The following MICAL3 variants were observed in gnomAD, a reference collection of about 807,000 sequenced individuals.
MICAL3 encodes [F-actin]-monooxygenase MICAL3.
A neutral mutation model predicts 207.4 loss-of-function variants in MICAL3; 62 were observed. The ratio of observed to expected loss-of-function variants is 0.30; its 90% CI spans 0.24 to 0.37. MICAL3 has a LOEUF of 0.37. Ranked by LOEUF, MICAL3 falls within the 10% of genes least tolerant of loss-of-function variation. The pLI is 1.00. For missense variants in MICAL3, 2,368 were observed against 2,635.6 expected, an observed-to-expected ratio of 0.90 and a Z score of 2.22; for synonymous variants, 1,077 against 1,069.3, an observed-to-expected ratio of 1.01 and a Z score of -0.14.
At chr22:17,983,283 C>G (rs200461519) in intron 1 of MICAL3, 1 of 152,180 alleles carries the variant, frequency 6.6e-6, no homozygotes, top group African/African-American at 2.4e-5. Context: ...CCTCCCTGCA[C>G]CCCCCTAGGC....
At chr22:17,842,997 TG>T (rs1384760866) in intron 19 of MICAL3, among the ~76,000 whole-genome samples, 1 of 151,874 alleles carries the variant, frequency 6.6e-6, no homozygotes, top group Non-Finnish European at 1.5e-5. Flanking sequence ...GGCGGGCGCC[TG>T]TAGTCCCAGC....
intron 1 of MICAL3, among the ~76,000 whole-genome samples, chr22:17,960,933 G>A (rs5992917): frequency 3.3e-5 from 5 of 152,062 alleles, no homozygotes; most frequent in East Asian, 1.9e-4. Context: ...GCAGGGCAAC[G>A]AGACGGTGCG....
chr22:17,877,567 G>GGGAGATTAT (rs1928960688), intron 16 of MICAL3, among the ~76,000 whole-genome samples: 2 of 131,502 alleles, frequency 1.5e-5, no homozygotes, highest in African/African-American at 2.9e-5. Flanking sequence ...ATGGAGGTTA[G>GGGAGATTAT]GGAGGTTAGG....
intron 22 of MICAL3, chr22:17,826,408 A>G: frequency 1.0e-6 from 1 of 964,624 alleles, no homozygotes; most frequent in Non-Finnish European, 1.2e-6. Context: ...AGCCGCCTAG[A>G]GAGAGGTTAC....
chr22:17,984,946 T>C (rs1163509534), intron 1 of MICAL3, among the ~76,000 whole-genome samples: 2 of 151,796 alleles, frequency 1.3e-5, no homozygotes, highest in African/African-American at 4.8e-5. Flanking sequence ...TCAGTAAGCA[T>C]GAGTGAGCAA....
At chr22:17,790,940 G>A in intron 31 of MICAL3, 24 bp from the exon 32 acceptor site, 2 of 1,613,340 alleles carry the variant, frequency 1.2e-6, no homozygotes, top group Non-Finnish European at 1.7e-6. Context: ...AAGGCATGAG[G>A]TGAGGGGCCT....
intron 1 of MICAL3, among the ~76,000 whole-genome samples, chr22:17,959,770 T>C (rs74804522): frequency 0.024 from 3,699 of 152,068 alleles, 71 homozygotes; most frequent in South Asian, 0.042. Flanking sequence ...TAGCTCTCCC[T>C]GCCCATAAGA....
chr22:17,836,661 T>TC (rs1923409849), intron 20 of MICAL3, among the ~76,000 whole-genome samples: 4 of 151,556 alleles, frequency 2.6e-5, no homozygotes, highest in Admixed American at 2.6e-4. Flanking sequence ...TTTTTTTTTT[T>TC]TGAGATGGAG....
intron 29 of MICAL3, among the ~76,000 whole-genome samples, chr22:17,798,437 C>T (rs2061899613): frequency 6.6e-6 from 1 of 152,176 alleles, no homozygotes; most frequent in Non-Finnish European, 1.5e-5. Flanking sequence ...GAGGATCACG[C>T]TCCAAGGCGT....
At chr22:17,795,267 A>G (rs566429807) in intron 29 of MICAL3, among the ~76,000 whole-genome samples, 1 of 152,362 alleles carries the variant, frequency 6.6e-6, no homozygotes, top group African/African-American at 2.4e-5. Flanking sequence ...GCCGACCTAC[A>G]GTCAACCTCG....
chr22:17,867,615 A>C (rs111788110), intron 17 of MICAL3, among the ~76,000 whole-genome samples: 126 of 152,308 alleles, frequency 8.3e-4, no homozygotes, highest in African/African-American at 2.9e-3. Context: ...GCCGCTCGGC[A>C]ACTCACTCCC....
chr22:17,982,729 CAT>C (rs377433100), intron 1 of MICAL3, among the ~76,000 whole-genome samples: 2 of 141,686 alleles, frequency 1.4e-5, no homozygotes, highest in African/African-American at 5.3e-5. Flanking sequence ...CATAACATAA[CAT>C]AAAAATAAAA....
chr22:17,908,920 C>G (rs1169030974), intron 1 of MICAL3, among the ~76,000 whole-genome samples: 1 of 152,142 alleles, frequency 6.6e-6, no homozygotes, highest in African/African-American at 2.4e-5. Flanking sequence ...AGAAGAGGCC[C>G]TGAAGCTCTT....
intron 1 of MICAL3, among the ~76,000 whole-genome samples, chr22:17,994,122 GC>G (rs1005739917): frequency 6.6e-6 from 1 of 152,222 alleles, no homozygotes; most frequent in African/African-American, 2.4e-5. Flanking sequence ...TCGCTGCTGT[GC>G]TCATCAGCGC....
chr22:17,931,451 G>A (rs1464940808), intron 1 of MICAL3, among the ~76,000 whole-genome samples: 1 of 152,198 alleles, frequency 6.6e-6, no homozygotes, highest in Non-Finnish European at 1.5e-5. Flanking sequence ...AGATCTGGCA[G>A]ACAGCTGGGA....
chr22:17,809,312 G>A (rs1462781722), intron 28 of MICAL3, among the ~76,000 whole-genome samples: 2 of 152,194 alleles, frequency 1.3e-5, no homozygotes, highest in Non-Finnish European at 2.9e-5. Flanking sequence ...CCTGAAGAGT[G>A]CAGTGGAAAT....
At chr22:17,863,616 T>C in intron 19 of MICAL3, 1 of 985,400 alleles carries the variant, frequency 1.0e-6, no homozygotes, top group Non-Finnish European at 1.2e-6. Context: ...CTTGCTCAGA[T>C]GATAATAAGG....
chr22:17,885,772 C>T (rs1365109518), intron 16 of MICAL3, 106 bp downstream of exon 16: 15 of 1,212,456 alleles, frequency 1.2e-5, no homozygotes, highest in South Asian at 9.6e-5. Flanking sequence ...TGCCAGCCCA[C>T]GAACGCTGGG....
chr22:17,982,030 G>C (rs1222430378), intron 1 of MICAL3, among the ~76,000 whole-genome samples: 1 of 152,054 alleles, frequency 6.6e-6, no homozygotes, highest in Non-Finnish European at 1.5e-5. Context: ...GCCTGAGCCT[G>C]GGAAGTCGAG....
Sources: allele counts gnomAD v4.1 joint callset (sites outside exome capture counted in the v4.1 genomes callset), GRCh38; gene constraint gnomAD v4.1.1; transcripts MANE v1.5; gene names NCBI Gene and HGNC (gene_info 2026-07-23, HGNC 2026-07-21).